LRRC3B: variants seen among roughly 807,000 people sequenced by gnomAD.
LRRC3B encodes leucine-rich repeat-containing protein 3B.
In LRRC3B, 2 loss-of-function variants were observed where a neutral mutation model predicts 12.8. The observed-to-expected ratio is 0.16, with a 90% confidence interval of 0.06 to 0.49. The LOEUF (loss-of-function observed/expected upper bound fraction) is 0.49, where lower values mean the gene tolerates loss of function less well. Among genes scored for constraint, LRRC3B ranks in the 20% least tolerant of loss-of-function variants. LRRC3B has a pLI of 0.96. For synonymous variants in LRRC3B, 132 were observed against 122.0 expected, an observed-to-expected ratio of 1.08 and a Z score of -0.54; for missense variants, 189 against 319.4, an observed-to-expected ratio of 0.59 and a Z score of 3.11.
chr3:26,655,885 G>A (rs1430369444), intron 1 of LRRC3B, among the ~76,000 whole-genome samples: 1 of 152,098 alleles, frequency 6.6e-6, no homozygotes, highest in Non-Finnish European at 1.5e-5. Flanking sequence ...TGACCTTATT[G>A]CTATTTATTA....
chr3:26,633,344 TATA>T (rs2125401832), intron 1 of LRRC3B, among the ~76,000 whole-genome samples: 1 of 152,290 alleles, frequency 6.6e-6, no homozygotes, highest in South Asian at 2.1e-4. Flanking sequence ...GTGAAATGGG[TATA>T]ATAATAGGTA....
At chr3:26,679,773 G>T (rs961898422) in intron 1 of LRRC3B, among the ~76,000 whole-genome samples, 13 of 152,192 alleles carry the variant, frequency 8.5e-5, no homozygotes, top group Middle Eastern at 3.2e-3. Context: ...CTTGTCTGTT[G>T]TGTTCTCTGC....
chr3:26,671,516 CA>C (rs1197099705), intron 1 of LRRC3B, among the ~76,000 whole-genome samples: 3 of 150,790 alleles, frequency 2.0e-5, no homozygotes, highest in Admixed American at 2.0e-4. Flanking sequence ...CTCAGCCTCC[CA>C]AGTAGCTGGG....
At chr3:26,690,992 G>A (rs1310755132) in intron 1 of LRRC3B, among the ~76,000 whole-genome samples, 1 of 147,968 alleles carries the variant, frequency 6.8e-6, no homozygotes, top group Non-Finnish European at 1.5e-5. Flanking sequence ...TTTTCTTTAG[G>A]GAACAAGGAC....
In LRRC3B at chr3:26,673,431, T is replaced by C. The variant is rs78146885; in HGVS notation, c.-160-36082T>C. On this transcript the variant is annotated intron_variant, in intron 1 of 1. Transcript: ENST00000396641. ...GCACCAAGGTTGAGCTACAGAACAA[T>C]GAAAATGTATTCATTTCATGTTAAG... 2.9e-3 allele frequency among the ~76,000 whole-genome samples: 439 copies of C among 152,280 alleles called. 18 individuals carry two copies. The East Asian group carries it at 0.073, about 25-fold the overall frequency.
At chr3:26,668,550 G>A (rs1169328117) in intron 1 of LRRC3B, among the ~76,000 whole-genome samples, 2 of 152,184 alleles carry the variant, frequency 1.3e-5, no homozygotes, top group Non-Finnish European at 2.9e-5. Flanking sequence ...CAGGAACAAG[G>A]AGAATCGACT....
intron 1 of LRRC3B, among the ~76,000 whole-genome samples, chr3:26,672,379 A>G (rs1699766758): frequency 6.6e-6 from 1 of 152,180 alleles, no homozygotes; most frequent in African/African-American, 2.4e-5. Flanking sequence ...TGGCTTAGTA[A>G]GACTTGGTTT....
chr3:26,638,523 A>T (rs1043131326), intron 1 of LRRC3B, among the ~76,000 whole-genome samples: 1 of 152,114 alleles, frequency 6.6e-6, no homozygotes, highest in Non-Finnish European at 1.5e-5. Flanking sequence ...TCAAAGTGTG[A>T]ATCAATACCT....
chr3:26,670,945 T>C (rs1466315087), intron 1 of LRRC3B, among the ~76,000 whole-genome samples: 1 of 151,922 alleles, frequency 6.6e-6, no homozygotes, highest in East Asian at 1.9e-4. Context: ...CATAGCATGC[T>C]ATGGCATTTG....
At chr3:26,680,970 A>C (rs1575156354) in intron 1 of LRRC3B, among the ~76,000 whole-genome samples, 3 of 152,338 alleles carry the variant, frequency 2.0e-5, no homozygotes, top group Middle Eastern at 6.8e-3. Context: ...GACAGGGAAG[A>C]GAAACATCTG....
chr3:26,678,515 T>C (rs1575154233), intron 1 of LRRC3B, among the ~76,000 whole-genome samples: 1 of 148,812 alleles, frequency 6.7e-6, no homozygotes, highest in Admixed American at 6.7e-5. Flanking sequence ...AAAAAAAAAG[T>C]AGTAGGATTC....
intron 1 of LRRC3B, among the ~76,000 whole-genome samples, chr3:26,651,003 T>G (rs1699253865): frequency 6.6e-6 from 1 of 152,264 alleles, no homozygotes; most frequent in Non-Finnish European, 1.5e-5. Flanking sequence ...TCTGTCATTC[T>G]GTGTGTCCAC....
At chr3:26,697,662 T>G (rs1700352187) in intron 1 of LRRC3B, among the ~76,000 whole-genome samples, 1 of 152,190 alleles carries the variant, frequency 6.6e-6, no homozygotes, top group African/African-American at 2.4e-5. Flanking sequence ...TTAATCATAT[T>G]CAAACATCCC....
chr3:26,702,213 G>C (rs758276825), intron 1 of LRRC3B, among the ~76,000 whole-genome samples: 4 of 152,274 alleles, frequency 2.6e-5, no homozygotes, highest in Admixed American at 1.3e-4. Flanking sequence ...TATAGTAAAG[G>C]CTGGAATATT....
At chr3:26,681,485 C>T (rs1699969796) in intron 1 of LRRC3B, among the ~76,000 whole-genome samples, 1 of 152,136 alleles carries the variant, frequency 6.6e-6, no homozygotes, top group South Asian at 2.1e-4. Context: ...CTAGAATTGG[C>T]AGATCTGGAT....
Position 26,629,845 on chromosome 3 carries a change from A to C in LRRC3B, c.-161+6608A>C, listed in dbSNP as rs552590558. Among the ~76,000 whole-genome samples the C allele has an allele frequency of 3.0e-4, 45 of 152,228 alleles. No individual in the cohort carries two copies. The South Asian group carries it at 9.3e-3, about 32-fold the overall frequency. ...TTGATACCCAATGTTTCTGCTACAAAACCTGTGAAAGGGGTATGGTGTGTG... is the reference window on the plus strand; with the variant it reads ...TTGATACCCAATGTTTCTGCTACAACACCTGTGAAAGGGGTATGGTGTGTG... On this transcript the variant is annotated intron_variant, in intron 1 of 1. Transcript: ENST00000396641.
At chr3:26,639,092 T>C (rs1327298577) in intron 1 of LRRC3B, among the ~76,000 whole-genome samples, 2 of 152,204 alleles carry the variant, frequency 1.3e-5, no homozygotes, top group Admixed American at 1.3e-4. Context: ...ATAGTCCCAT[T>C]CTATATAGTC....
At chr3:26,696,522 TTGTAAG>T (rs564013598) in intron 1 of LRRC3B, among the ~76,000 whole-genome samples, 340 of 152,332 alleles carry the variant, frequency 2.2e-3, no homozygotes, top group African/African-American at 7.8e-3. Flanking sequence ...AGAATGCTGT[TTGTAAG>T]TGAGGTTACT....
chr3:26,649,582 T>C (rs1457626470), intron 1 of LRRC3B, among the ~76,000 whole-genome samples: 1 of 152,190 alleles, frequency 6.6e-6, no homozygotes, highest in East Asian at 1.9e-4. Context: ...TATTTGAAGG[T>C]ACAATACCTC....
Sources: gnomAD v4.1 joint callset for allele counts (sites outside exome capture counted in the v4.1 genomes callset) on GRCh38, gnomAD v4.1.1 for gene constraint, MANE v1.5 for transcripts, NCBI Gene and HGNC (gene_info 2026-07-23, HGNC 2026-07-21) for gene names.